RUSC1: variants seen among roughly 807,000 people sequenced by gnomAD.
RUSC1 encodes the protein RUN and SH3 domain containing 1.
RUSC1 carries 40 observed loss-of-function variants against 72.1 expected under a neutral mutation model. That is an observed-to-expected ratio of 0.55 (90% CI 0.43 to 0.72). RUSC1 has a LOEUF of 0.72. RUSC1 is among the 30% of genes least tolerant of loss of function. The pLI, the probability that RUSC1 is intolerant of heterozygous loss-of-function variation, is 0.00. For missense variants in RUSC1, 1,092 were observed against 1,172.3 expected (o/e 0.93, Z 1.00); for synonymous variants, 512 against 494.2 (o/e 1.04, Z -0.48).
intron 2 of RUSC1, chr1:155,324,333 T>C: frequency 2.5e-6 from 4 of 1,594,698 alleles, no homozygotes; most frequent in Non-Finnish European, 3.4e-6. Flanking sequence ...GGGTTTCCCC[T>C]TTCCGGCGCC....
intron 9 of RUSC1, among the ~76,000 whole-genome samples, chr1:155,329,953 GAA>G (rs1025418792): frequency 3.0e-4 from 14 of 45,982 alleles, no homozygotes; most frequent in African/African-American, 7.3e-4. Flanking sequence ...TCTGTCTCAA[GAA>G]AAAAAAAAAA....
At position 155,323,031 on chromosome 1, in the gene RUSC1, A is replaced by G. The variant is rs995594438; in HGVS notation, c.1258A>G (p.Ile420Val). Residue 420 changes from isoleucine (I) to valine (V), a missense_variant, in exon 2 of 10, where the codon ATA (isoleucine) becomes GTA (valine). Coordinates refer to ENST00000368352, the MANE Select transcript of RUSC1 (RefSeq NM_001105203.2). ...RKKNRPGLQP[I>V]AEGQSEEGRA... ...GAAGAACCGACCTGGACTGCAGCCC[A>G]TAGCGGAGGGGCAGTCCGAGGAGGG... The G allele has an allele frequency of 8.1e-7, 1 of 1,232,922 alleles. No individual in the cohort carries two copies. Among genetic ancestry groups the G allele is most frequent in the Non-Finnish European group, 1.0e-6 (1 of 970,216 alleles). 76.4% of individuals were successfully genotyped at this position (1,232,922 alleles called of 1,614,324 possible). A position where few individuals can be genotyped will look rare whatever the true frequency, so the allele number is the denominator to read the frequency against.
chr1:155,328,176 C>A lies in RUSC1; in HGVS notation c.2441C>A (p.Thr814Lys). The A allele has an allele frequency of 6.2e-7, 1 of 1,613,470 alleles. No individual in the cohort carries two copies. Among genetic ancestry groups the A allele is most frequent in the Non-Finnish European group, 8.5e-7 (1 of 1,179,768 alleles). The change falls in exon 9 of 10, where the codon ACA (threonine) becomes AAA (lysine). Residue 814 changes from threonine to lysine, a missense_variant. Thr to Lys is a moderately conservative substitution (Grantham distance 78). Transcript: ENST00000368352. Reference sequence around the variant, plus strand: ...AGACCATCTAGCTGGCTGCCCCCGACAGTGAGTGTGTTGGCTCTTGTGAAG... The same window carrying A: ...AGACCATCTAGCTGGCTGCCCCCGAAAGTGAGTGTGTTGGCTCTTGTGAAG... Reference protein sequence around the residue: ...SRRPSSWLPPTVSVLALVKRG... With the variant: ...SRRPSSWLPPKVSVLALVKRG...
chr1:155,326,841 G>A lies in RUSC1; in HGVS notation c.2123G>A (p.Gly708Glu), dbSNP rs1651469957. Residue 708 changes from glycine to glutamate, a missense_variant, in exon 8 of 10, where the codon GGG becomes GAG. By Grantham distance (98) the Gly-to-Glu change is moderately conservative (BLOSUM62 -2). Transcript: ENST00000368352. This position sits in a 1 kb window ranked among gnomAD's most constrained non-coding sequence, Gnocchi z 4.7. ...FGGRLAQSLR[G>E]TSKEAASDPS... ...GGCCGGCTGGCCCAGAGCCTTCGGG[G>A]GACTTCCAAGGAAGCTGCTTCAGAC... 1 of 1,613,594 alleles carries A rather than the reference G, an allele frequency of 6.2e-7. No individual in the cohort carries two copies. Among genetic ancestry groups the A allele is most frequent in the Non-Finnish European group, 8.5e-7 (1 of 1,180,040 alleles).
Position 155,321,784 on chromosome 1 carries a change from C to T in RUSC1, c.11C>T (p.Pro4Leu), listed in dbSNP as rs569993068. Reference protein sequence around the residue: MLSPQRALLCNLNH... With the variant: MLSLQRALLCNLNH... ...ATCGCCGCTAGCATCATGCTGTCCC[C>T]TCAGAGAGCTTTACTCTGCAACCTC... is the stretch of plus-strand genomic sequence containing the variant. Residue 4 changes from proline (P) to leucine (L), a missense_variant, in exon 2 of 10, where the codon CCT (proline) becomes CTT (leucine). By Grantham distance (98) the Pro-to-Leu change is moderately conservative. Coordinates refer to ENST00000368352, the MANE Select transcript of RUSC1 (RefSeq NM_001105203.2). The T allele has an allele frequency of 1.2e-6, 2 of 1,614,044 alleles. No individual in the cohort carries two copies. Among genetic ancestry groups the T allele is most frequent in the East Asian group, 2.2e-5 (1 of 44,886 alleles).
Position 155,322,182 on chromosome 1 carries a change from A to C in RUSC1, c.409A>C (p.Ser137Arg). The C allele has an allele frequency of 6.2e-7, 1 of 1,606,150 alleles. No individual in the cohort carries two copies. The highest frequency in any genetic ancestry group is 1.1e-5 in the South Asian group (1 of 90,180). Residue 137 changes from serine (S) to arginine (R), a missense_variant, in exon 2 of 10, where the codon AGT (serine) becomes CGT (arginine). Physicochemically the swap from Ser to Arg is moderately radical, Grantham distance 110. Coordinates refer to ENST00000368352, the MANE Select transcript of RUSC1 (RefSeq NM_001105203.2). ...PGDEDAHPQP[S>R]IIPLEQGSPL... ...TGATGAGGATGCCCACCCTCAGCCC[A>C]GTATCATCCCCCTGGAGCAGGGCTC...
chr1:155,325,035 A>T lies in RUSC1; in HGVS notation c.1457-67A>T. 2 of 1,613,800 alleles carry T rather than the reference A, an allele frequency of 1.2e-6. No individual in the cohort carries two copies. The highest frequency in any genetic ancestry group is 1.7e-6 in the Non-Finnish European group (2 of 1,179,842). On this transcript the variant is annotated intron_variant, in intron 3 of 9. Coordinates refer to ENST00000368352, the MANE Select transcript of RUSC1 (RefSeq NM_001105203.2). This position sits in a 1 kb window ranked among gnomAD's most constrained non-coding sequence, Gnocchi z 6.5. ...CAGGCTGTCCGAAGGCAGTCTCTCC[A>T]CGCCCCTCGGGCAAGCCTGGGTAGG...
Position 155,326,532 on chromosome 1 carries a change from T to C in RUSC1, c.1862-48T>C, listed in dbSNP as rs1651425871. The C allele has an allele frequency of 6.4e-7, 1 of 1,550,964 alleles. No individual in the cohort carries two copies. Among genetic ancestry groups the C allele is most frequent in the Admixed American group, 1.8e-5 (1 of 55,088 alleles). ...TGGTGGGCTGCTCTGGGGGGTCTTCTGGGACTAGGTCCAGGGCAGGAGCTG... is the reference window on the plus strand; with the variant it reads ...TGGTGGGCTGCTCTGGGGGGTCTTCCGGGACTAGGTCCAGGGCAGGAGCTG... On this transcript the variant is annotated intron_variant, in intron 7 of 9. Coordinates refer to ENST00000368352, the MANE Select transcript of RUSC1 (RefSeq NM_001105203.2). The surrounding 1 kb of genome is among the most constrained non-coding windows in gnomAD (Gnocchi z 4.7).
rs1189707935 is a variant in RUSC1 at position 155,322,771 on chromosome 1, C to G, written c.998C>G (p.Pro333Arg). 1 of 1,613,558 alleles carries G rather than the reference C, an allele frequency of 6.2e-7. No homozygotes were observed. Among genetic ancestry groups the G allele is most frequent in the African/African-American group, 1.3e-5 (1 of 74,926 alleles). The change falls in exon 2 of 10, where the codon CCG (proline) becomes CGG (arginine). Residue 333 changes from proline (P) to arginine (R), a missense_variant. By Grantham distance (103) the Pro-to-Arg change is moderately radical (BLOSUM62 -2). Transcript: ENST00000368352. ...CGGGGCCCAGGGCTGCCCCTTGTCC[C>G]GCAGGCGAAGAAAGATCGCAGTGAC... ...RKRGPGLPLV[P>R]QAKKDRSDWL...
In RUSC1 at chr1:155,324,952, C is replaced by A. The variant is rs747632938; in HGVS notation, c.1456+9C>A. Reference sequence around the variant, plus strand: ...GCAGGAGCAGAAGAAAGGTAGGGCACCCTGACTCCCGACCCCGCGCTTCCG... The same window carrying A: ...GCAGGAGCAGAAGAAAGGTAGGGCAACCTGACTCCCGACCCCGCGCTTCCG... On this transcript the variant is annotated intron_variant, in intron 3 of 9. Transcript: ENST00000368352. 42 of 1,614,012 alleles carry A rather than the reference C, an allele frequency of 2.6e-5. No individual in the cohort carries two copies. The Admixed American group carries it at 6.5e-4, about 25-fold the overall frequency.
chr1:155,325,744 G>C lies in RUSC1; in HGVS notation c.1814+72G>C. The C allele has an allele frequency of 3.2e-6, 5 of 1,583,328 alleles. No homozygotes were observed. The highest frequency in any genetic ancestry group is 4.3e-6 in the Non-Finnish European group (5 of 1,153,322). On this transcript the variant is annotated intron_variant, in intron 6 of 9. Transcript: ENST00000368352. This position sits in a 1 kb window ranked among gnomAD's most constrained non-coding sequence, Gnocchi z 6.5. Reference sequence around the variant, plus strand: ...GGAGCGTCATGGGTGGGACACAGTAGTAGTGCCTCACATCCCCAGAGAAGG... The same window carrying C: ...GGAGCGTCATGGGTGGGACACAGTACTAGTGCCTCACATCCCCAGAGAAGG...
chr1:155,322,289 T>C lies in RUSC1; in HGVS notation c.516T>C (p.Ser172=). Residue 172 remains serine (S), a synonymous_variant, in exon 2 of 10, where the codon TCT becomes TCC. Transcript: ENST00000368352. ...CSPDSCSGAS[S]SPDPGLDSNC... ...CTGATTCCTGCTCCGGAGCTTCTTC[T>C]TCACCCGATCCTGGCCTGGACTCGA... The C allele has an allele frequency of 6.2e-7, 1 of 1,611,442 alleles. No homozygotes were observed. Among genetic ancestry groups the C allele is most frequent in the Non-Finnish European group, 8.5e-7 (1 of 1,178,076 alleles).
At chr1:155,323,282 T>A in intron 2 of RUSC1, 152 bp downstream of exon 2, 1 of 828,082 alleles carries the variant, frequency 1.2e-6, no homozygotes, top group Non-Finnish European at 1.7e-6. Context: ...GGAAACTGGG[T>A]GGGTCATTGG....
chr1:155,324,855 G>C lies in RUSC1; in HGVS notation c.1368G>C (p.Ser456=), dbSNP rs373409693. 195 of 1,614,138 alleles carry C rather than the reference G, an allele frequency of 1.2e-4. No homozygotes were observed. The highest frequency in any genetic ancestry group is 1.6e-4 in the Non-Finnish European group (185 of 1,180,052). ...CTTCCCTTACGCCAGTCCGTAGTTC[G>C]TGGTCCTTCGCCGGTGTCCCCGGAG... ...GAQAGLEVRS[S]WSFAGVPGAQ... The change falls in exon 3 of 10, where the codon TCG becomes TCC. Residue 456 remains serine (S), a synonymous_variant. Coordinates refer to ENST00000368352, the MANE Select transcript of RUSC1 (RefSeq NM_001105203.2).
In RUSC1 at chr1:155,322,424, T is replaced by C. The variant is rs769361811; in HGVS notation, c.651T>C (p.Asp217=). 1.9e-6 allele frequency: 3 copies of C among 1,614,002 alleles called. No homozygotes were observed. Among genetic ancestry groups the C allele is most frequent in the African/African-American group, 2.7e-5 (2 of 74,924 alleles). The stretch of plus-strand genomic sequence containing the variant: ...CCTCTGAGCTCTTAGAGGCGGATGA[T>C]GGGAAAATCGACGCTGGGAAAACGG... ...LPTSELLEAD[D]GKIDAGKTEP... The change falls in exon 2 of 10, where the codon GAT becomes GAC. Residue 217 remains aspartate (D), a synonymous_variant. Coordinates refer to ENST00000368352, the MANE Select transcript of RUSC1 (RefSeq NM_001105203.2).
In RUSC1 at chr1:155,324,904, G is replaced by A; in HGVS notation, c.1417G>A (p.Ala473Thr). 1 of 1,614,238 alleles carries A rather than the reference G, an allele frequency of 6.2e-7. No individual in the cohort carries two copies. The highest frequency in any genetic ancestry group is 1.1e-5 in the South Asian group (1 of 91,088). The change falls in exon 3 of 10, where the codon GCC (alanine) becomes ACC (threonine). Residue 473 changes from alanine (A) to threonine (T), a missense_variant. Ala to Thr is a moderately conservative substitution (Grantham distance 58, BLOSUM62 0). Transcript: ENST00000368352. ...AGCCCAGCGGCTGTGGATGGCAGAA[G>A]CCCAGAGTGGGACTGGTCAGCTGCA... The part of the protein sequence containing the change: ...PGAQRLWMAE[A>T]QSGTGQLQEQ...
Position 155,324,874 on chromosome 1 carries a change from C to T in RUSC1, c.1387C>T (p.Pro463Ser), listed in dbSNP as rs368933433. The change falls in exon 3 of 10, where the codon CCC becomes TCC. Residue 463 changes from proline (P) to serine (S), a missense_variant. Physicochemically the swap from Pro to Ser is moderately conservative, Grantham distance 74. Coordinates refer to ENST00000368352, the MANE Select transcript of RUSC1 (RefSeq NM_001105203.2). ...TAGTTCGTGGTCCTTCGCCGGTGTC[C>T]CCGGAGCCCAGCGGCTGTGGATGGC... ...VRSSWSFAGVPGAQRLWMAEA... is the reference protein window; with the variant it reads ...VRSSWSFAGVSGAQRLWMAEA... 1 of 1,614,230 alleles carries T rather than the reference C, an allele frequency of 6.2e-7. No homozygotes were observed. The highest frequency in any genetic ancestry group is 1.6e-4 in the Middle Eastern group (1 of 6,062).
At position 155,327,129 on chromosome 1, in the gene RUSC1, C is replaced by T; in HGVS notation, c.2411C>T (p.Ser804Phe). ...GAAAATGAGAATGGAGCCCTAAAGT[C>T]CAGGTAATGGGGTACCTTGTCCTTT... ...PAENENGALK[S>F]RRPSSWLPPT... Residue 804 changes from serine to phenylalanine, a missense_variant, in exon 8 of 10, where the codon TCC (serine) becomes TTC (phenylalanine). Physicochemically the swap from Ser to Phe is radical, Grantham distance 155. Coordinates refer to ENST00000368352, the MANE Select transcript of RUSC1 (RefSeq NM_001105203.2). 1 of 1,600,136 alleles carries T rather than the reference C, an allele frequency of 6.2e-7. No homozygotes were observed. Among genetic ancestry groups the T allele is most frequent in the Non-Finnish European group, 8.5e-7 (1 of 1,171,510 alleles).
At chr1:155,324,792 T>C (rs1651106962) in intron 2 of RUSC1, 53 bp from the exon 3 acceptor site, 3 of 1,612,118 alleles carry the variant, frequency 1.9e-6, no homozygotes, top group Non-Finnish European at 2.5e-6. Context: ...GAGCCCGGAG[T>C]CCTCGGAATA....
Sources: allele counts gnomAD v4.1 joint callset (sites outside exome capture counted in the v4.1 genomes callset), GRCh38; gene constraint gnomAD v4.1.1; non-coding constraint Gnocchi (gnomAD v3.1); transcripts MANE v1.5; gene names NCBI Gene and HGNC (gene_info 2026-07-23, HGNC 2026-07-21).